Variants in KLHL32 observed in about 807,000 individuals in gnomAD.
The protein encoded by KLHL32 is kelch-like protein 32.
A neutral mutation model predicts 64.8 loss-of-function variants in KLHL32; 35 were observed. The observed-to-expected ratio is 0.54, with a 90% CI of 0.41 to 0.72. The LOEUF is 0.72. Among genes scored for constraint, KLHL32 ranks in the 30% least tolerant of loss-of-function variants. The pLI is 0.00. For synonymous variants in KLHL32, 259 were observed against 281.0 expected, an observed-to-expected ratio of 0.92 and a Z score of 0.78; for missense variants, 589 against 768.5, an observed-to-expected ratio of 0.77 and a Z score of 2.76.
chr6:96,907,014 A>G, the KLHL32 span, among the ~76,000 whole-genome samples: 2 of 152,216 alleles, frequency 1.3e-5, no homozygotes, highest in Admixed American at 1.3e-4. Flanking sequence ...ATTTTCATCA[A>G]AAAGATAATT....
chr6:97,084,369 G>A (rs1490792115), intron 5 of KLHL32, among the ~76,000 whole-genome samples: 1 of 152,110 alleles, frequency 6.6e-6, no homozygotes, highest in East Asian at 1.9e-4. Flanking sequence ...TGGCTCTCTG[G>A]AGGCATAATT....
chr6:96,976,979 A>G (rs1182058541), intron 3 of KLHL32, among the ~76,000 whole-genome samples: 1 of 152,236 alleles, frequency 6.6e-6, no homozygotes, highest in Non-Finnish European at 1.5e-5. Context: ...TGGTCAGTAC[A>G]TGCATGCGGC....
intron 3 of KLHL32, among the ~76,000 whole-genome samples, chr6:96,991,041 G>A (rs1777802550): frequency 6.6e-6 from 1 of 152,106 alleles, no homozygotes; most frequent in African/African-American, 2.4e-5. Context: ...TACTGGCCCT[G>A]CTTGGTGAAG....
chr6:96,929,467 G>A (rs988600606), intron 1 of KLHL32, among the ~76,000 whole-genome samples: 5 of 152,148 alleles, frequency 3.3e-5, no homozygotes, highest in African/African-American at 7.2e-5. Context: ...TATTATTTCA[G>A]AATTGTTTTC....
At chr6:96,914,687 TA>T in the KLHL32 span, 2 of 152,058 alleles carry the variant, frequency 1.3e-5, no homozygotes, top group African/African-American at 4.8e-5. Flanking sequence ...CTTTTTCTTT[TA>T]TTTTTTTTTT....
chr6:97,042,591 A>G (rs1308185950), intron 4 of KLHL32, among the ~76,000 whole-genome samples: 1 of 148,614 alleles, frequency 6.7e-6, no homozygotes, highest in Non-Finnish European at 1.5e-5. Context: ...AAATCAGGCT[A>G]ATTAACAAAT....
chr6:97,093,133 G>T (rs919534705), intron 6 of KLHL32, among the ~76,000 whole-genome samples: 2 of 150,104 alleles, frequency 1.3e-5, no homozygotes, highest in Non-Finnish European at 3.0e-5. Context: ...TATTACTTAC[G>T]CATTGGTGCC....
At chr6:97,127,262 A>G in intron 7 of KLHL32, 142 bp from the exon 8 acceptor site, 1 of 644,828 alleles carries the variant, frequency 1.6e-6, no homozygotes, top group Non-Finnish European at 2.7e-6. Context: ...TAAGCTTCTT[A>G]ATTATGTCAT....
rs572492913 is a variant in KLHL32, at chr6:97,103,427, A to C, written c.628-10356A>C. On this transcript the variant is annotated intron_variant, in intron 6 of 10. Coordinates refer to ENST00000369261, the MANE Select transcript of KLHL32 (RefSeq NM_052904.4). The stretch of plus-strand genomic sequence containing the variant: ...ATGGGGTTTCACCATGTTAGCCAGG[A>C]TGGTCTCGATCTCCTGACCTTGTGA... Among the ~76,000 whole-genome samples the C allele has an allele frequency of 8.5e-5, 13 of 152,108 alleles. No individual in the cohort carries two copies. The South Asian group carries it at 2.1e-3, about 24-fold the overall frequency.
At chr6:97,000,561 A>G (rs1007921111) in intron 3 of KLHL32, among the ~76,000 whole-genome samples, 1 of 152,236 alleles carries the variant, frequency 6.6e-6, no homozygotes, top group Non-Finnish European at 1.5e-5. Context: ...TTTCATTTTT[A>G]GATAAAATTT....
chr6:97,117,464 C>T (rs1797912806), intron 7 of KLHL32, among the ~76,000 whole-genome samples: 1 of 152,098 alleles, frequency 6.6e-6, no homozygotes, highest in African/African-American at 2.4e-5. Flanking sequence ...CTCTCCACAC[C>T]TCTCCCCCAT....
intron 3 of KLHL32, among the ~76,000 whole-genome samples, chr6:97,009,243 A>G (rs966077123): frequency 1.3e-5 from 2 of 151,794 alleles, no homozygotes; most frequent in African/African-American, 4.8e-5. Flanking sequence ...TTGGTTTATA[A>G]ACCAAAATTC....
At chr6:97,010,156 G>T (rs994403697) in intron 3 of KLHL32, 7 of 144,482 alleles carry the variant, frequency 4.8e-5, no homozygotes, top group Non-Finnish European at 7.5e-5. Flanking sequence ...AAAAAAGTGA[G>T]CATACAGAAA....
At chr6:97,032,674 C>G (rs1369423693) in intron 3 of KLHL32, among the ~76,000 whole-genome samples, 1 of 147,766 alleles carries the variant, frequency 6.8e-6, no homozygotes, top group Non-Finnish European at 1.5e-5. Flanking sequence ...GCAATTACAA[C>G]TTGGAAGATC....
At chr6:97,116,931 C>T (rs1422359357) in intron 7 of KLHL32, among the ~76,000 whole-genome samples, 1 of 152,178 alleles carries the variant, frequency 6.6e-6, no homozygotes, top group Non-Finnish European at 1.5e-5. Context: ...TTAATGAAAA[C>T]AATCACAATT....
At chr6:97,033,752 T>C (rs1783915731) in intron 3 of KLHL32, among the ~76,000 whole-genome samples, 1 of 152,134 alleles carries the variant, frequency 6.6e-6, no homozygotes, top group Non-Finnish European at 1.5e-5. Context: ...TTGTGGTTTT[T>C]ACTTGCTTTT....
At chr6:97,127,595 T>A (rs747332446) in intron 8 of KLHL32, 133 bp downstream of exon 8, 71 of 779,162 alleles carry the variant, frequency 9.1e-5, no homozygotes, top group Non-Finnish European at 1.4e-4. Context: ...AAAGGAAGCA[T>A]CTGAATAAAC....
chr6:96,984,192 G>A (rs569222892), intron 3 of KLHL32, among the ~76,000 whole-genome samples: 1 of 152,146 alleles, frequency 6.6e-6, no homozygotes, highest in Non-Finnish European at 1.5e-5. Context: ...GAGCAGTTTC[G>A]AGTCAGTTTC....
intron 9 of KLHL32, among the ~76,000 whole-genome samples, chr6:97,131,749 G>A (rs1799465973): frequency 6.6e-6 from 1 of 152,180 alleles, no homozygotes; most frequent in African/African-American, 2.4e-5. Flanking sequence ...GCTGCTGGGG[G>A]AGGCAACGCT....
Sources: allele counts gnomAD v4.1 joint callset (sites outside exome capture counted in the v4.1 genomes callset), GRCh38; gene constraint gnomAD v4.1.1; transcripts MANE v1.5; gene names NCBI Gene and HGNC (gene_info 2026-07-23, HGNC 2026-07-21).